DMD: variants seen among roughly 807,000 people sequenced by gnomAD.
The protein encoded by DMD is mutant dystrophin.
In DMD, 63 loss-of-function variants were observed where a neutral mutation model predicts 330.1. The observed-to-expected ratio is 0.19, with a 90% CI of 0.16 to 0.24. The LOEUF (loss-of-function observed/expected upper bound fraction) is 0.24. DMD is among the 10% of genes least tolerant of loss of function. The pLI is 1.00. For missense variants in DMD, 3,344 were observed against 2,684.1 expected (o/e 1.25, Z -5.43); for synonymous variants, 1,223 against 959.8 (o/e 1.27, Z -5.07).
chrX:31,720,004 C>G (rs1022824038), intron 52 of DMD, among the ~76,000 whole-genome samples: 3 of 111,629 alleles, frequency 2.7e-5, no homozygotes, highest in Non-Finnish European at 5.6e-5. Flanking sequence ...CCTACAGAAC[C>G]TATGAGTGAT....
chrX:32,028,828 G>A (rs1373596432), intron 44 of DMD, among the ~76,000 whole-genome samples: 1 of 110,258 alleles, frequency 9.1e-6, no homozygotes, highest in Admixed American at 9.7e-5. Flanking sequence ...TTTTTTTTGT[G>A]CAGTGTTATA....
chrX:32,484,446 T>C (rs1432291236), intron 21 of DMD, among the ~76,000 whole-genome samples: 1 of 112,323 alleles, frequency 8.9e-6, no homozygotes, highest in Non-Finnish European at 1.9e-5. Context: ...GATCCAGTAG[T>C]AAAATGTAGC....
chrX:32,027,902 C>T (rs1603621576), intron 44 of DMD, among the ~76,000 whole-genome samples: 1 of 112,038 alleles, frequency 8.9e-6, no homozygotes, highest in East Asian at 2.8e-4. Flanking sequence ...AGCCCTAGGC[C>T]GGAAGTTATG....
chrX:31,885,747 T>C (rs935433605), intron 47 of DMD, among the ~76,000 whole-genome samples: 21 of 109,910 alleles, frequency 1.9e-4, no homozygotes, highest in African/African-American at 3.3e-5. Flanking sequence ...ATTAAAGCAA[T>C]ATACATTGAG....
At chrX:32,800,165 T>G (rs759695238) in intron 7 of DMD, among the ~76,000 whole-genome samples, 16 of 112,215 alleles carry the variant, frequency 1.4e-4, no homozygotes, top group Middle Eastern at 4.7e-3. Context: ...TAATTTAAAA[T>G]GAAATTTCTT....
At position 32,248,265 on chromosome X, in the gene DMD, G is replaced by A. The variant is rs72626028; in HGVS notation, c.6291-31202C>T. Among the ~76,000 whole-genome samples, 23 of 111,238 alleles carry A rather than the reference G, an allele frequency of 2.1e-4. No homozygotes were observed. In the South Asian group the frequency reaches 6.7e-3, roughly 32 times the overall value. On this transcript the variant is annotated intron_variant, in intron 43 of 78. Coordinates refer to ENST00000357033, the MANE Select transcript of DMD (RefSeq NM_004006.3). ...ATAATCAATATTTAATGAAAATGCC[G>A]TTCTTAAATTTATCTCATATTTGTG...
intron 27 of DMD, among the ~76,000 whole-genome samples, chrX:32,446,273 G>A (rs1450296415): frequency 9.1e-6 from 1 of 110,115 alleles, no homozygotes; most frequent in Non-Finnish European, 1.9e-5. Flanking sequence ...GACAAAATAG[G>A]GTGAAACTGC....
chrX:32,769,041 C>A (rs929465687), intron 7 of DMD, among the ~76,000 whole-genome samples: 7 of 111,032 alleles, frequency 6.3e-5, no homozygotes, highest in African/African-American at 2.3e-4. Flanking sequence ...TCTTCAATGG[C>A]TATATGAAAA....
At chrX:31,135,595 TCTC>T (rs1475151280) in intron 76 of DMD, among the ~76,000 whole-genome samples, 2 of 112,131 alleles carry the variant, frequency 1.8e-5, no homozygotes, top group African/African-American at 3.2e-5. Context: ...GGAATGGAAA[TCTC>T]CTTGTAGATT....
chrX:33,169,817 C>CA (rs2049244430), intron 1 of DMD, among the ~76,000 whole-genome samples: 1 of 109,245 alleles, frequency 9.2e-6, no homozygotes, highest in Admixed American at 9.8e-5. Flanking sequence ...CTAATGTGTC[C>CA]TTTTTTTTAA....
intron 77 of DMD, among the ~76,000 whole-genome samples, chrX:31,133,739 C>T (rs781415371): frequency 4.8e-4 from 54 of 111,658 alleles, no homozygotes; most frequent in African/African-American, 1.7e-3. Context: ...CCATATGTCC[C>T]TGGCAAAGGC....
chrX:32,585,945 G>A (rs1361355311), intron 13 of DMD, among the ~76,000 whole-genome samples: 2 of 109,754 alleles, frequency 1.8e-5, no homozygotes, highest in Non-Finnish European at 1.9e-5. Context: ...TTGGCCAAAT[G>A]TATTACAACA....
At chrX:32,856,690 G>A (rs1330861934) in intron 2 of DMD, among the ~76,000 whole-genome samples, 4 of 111,449 alleles carry the variant, frequency 3.6e-5, no homozygotes, top group African/African-American at 1.3e-4. Flanking sequence ...AGGAGGAGTG[G>A]GAATGTTTAG....
At position 33,095,638 on chromosome X, in the gene DMD, G is replaced by A. The variant is rs372122494; in HGVS notation, c.32-75438C>T. On this transcript the variant is annotated intron_variant, in intron 1 of 78. Coordinates refer to ENST00000357033, the MANE Select transcript of DMD (RefSeq NM_004006.3). ...AAACTCATGTATCAGTAGCTTTGGG[G>A]GCTATTAGCACTACCTCCAGAATAT... Among the ~76,000 whole-genome samples the A allele has an allele frequency of 6.3e-5, 7 of 111,382 alleles. No homozygotes were observed. The East Asian group carries it at 1.4e-3, about 22-fold the overall frequency.
chrX:32,194,823 T>C (rs2096991765), intron 44 of DMD, among the ~76,000 whole-genome samples: 1 of 111,754 alleles, frequency 8.9e-6, no homozygotes, highest in African/African-American at 3.3e-5. Flanking sequence ...ATATATTCAT[T>C]ATGTGTTGTA....
intron 2 of DMD, among the ~76,000 whole-genome samples, chrX:32,870,424 G>C (rs1467776653): frequency 9.0e-6 from 1 of 111,695 alleles, no homozygotes; most frequent in Non-Finnish European, 1.9e-5. Flanking sequence ...TAGAAAAAAA[G>C]AAAACTGTTT....
intron 29 of DMD, among the ~76,000 whole-genome samples, chrX:32,432,050 T>G (rs1467453037): frequency 8.9e-6 from 1 of 112,095 alleles, no homozygotes; most frequent in Non-Finnish European, 1.9e-5. Flanking sequence ...CTTTACCCTT[T>G]GTGATAATAT....
At chrX:33,078,779 T>A (rs1394068680) in intron 1 of DMD, among the ~76,000 whole-genome samples, 1 of 112,055 alleles carries the variant, frequency 8.9e-6, no homozygotes, top group African/African-American at 3.2e-5. Flanking sequence ...TTTTGGTTAC[T>A]TCCGTGGCAC....
intron 2 of DMD, among the ~76,000 whole-genome samples, chrX:32,969,897 A>G (rs1403290768): frequency 2.1e-5 from 2 of 95,196 alleles, no homozygotes; most frequent in African/African-American, 9.4e-5. Flanking sequence ...ACCCATGTCC[A>G]TCTAAACCCT....
Sources: allele counts gnomAD v4.1 joint callset (sites outside exome capture counted in the v4.1 genomes callset), GRCh38; gene constraint gnomAD v4.1.1; transcripts MANE v1.5; gene names NCBI Gene and HGNC (gene_info 2026-07-23, HGNC 2026-07-21).